The following FTCDNL1 variants were observed in gnomAD, a reference collection of about 807,000 sequenced individuals.
FTCDNL1 encodes the protein formiminotransferase N-terminal subdomain-containing protein.
FTCDNL1 carries 11 observed loss-of-function variants against 5.9 expected under a neutral mutation model. The ratio of observed to expected loss-of-function variants is 1.87; its 90% CI spans 1.18 to 3.10. The LOEUF is 3.10. Ranked by LOEUF, FTCDNL1 falls within the 30% of genes most tolerant of loss-of-function variation. The pLI is 0.00. For missense variants in FTCDNL1, 115 were observed against 65.5 expected, an observed-to-expected ratio of 1.76 and a Z score of -2.61; for synonymous variants, 58 against 24.8, an observed-to-expected ratio of 2.34 and a Z score of -3.99.
At chr2:199,742,765 C>T in the FTCDNL1 span, among the ~76,000 whole-genome samples, 1 of 152,148 alleles carries the variant, frequency 6.6e-6, no homozygotes, top group African/African-American at 2.4e-5. Context: ...CAAAGAGTCT[C>T]TCGGTTTCTA....
the FTCDNL1 span, among the ~76,000 whole-genome samples, chr2:199,680,464 A>G: frequency 3.3e-5 from 5 of 152,222 alleles, no homozygotes; most frequent in African/African-American, 1.2e-4. Context: ...ATCATATCAT[A>G]TACATTTTGA....
the FTCDNL1 span, among the ~76,000 whole-genome samples, chr2:199,715,093 T>C: frequency 4.7e-3 from 718 of 151,874 alleles, 5 homozygotes; most frequent in Non-Finnish European, 8.7e-3. Flanking sequence ...TAAAGTATAA[T>C]AAAAAATAAT....
chr2:199,710,380 C>T, the FTCDNL1 span, among the ~76,000 whole-genome samples: 1 of 151,912 alleles, frequency 6.6e-6, no homozygotes, highest in Non-Finnish European at 1.5e-5. Flanking sequence ...AATGAATCAA[C>T]AATATATGTT....
chr2:199,707,852 T>C, the FTCDNL1 span, among the ~76,000 whole-genome samples: 1 of 152,128 alleles, frequency 6.6e-6, no homozygotes, highest in Non-Finnish European at 1.5e-5. Context: ...ACTATTTTTT[T>C]CTCCTCAATG....
At chr2:199,679,344 G>A in the FTCDNL1 span, among the ~76,000 whole-genome samples, 1 of 151,910 alleles carries the variant, frequency 6.6e-6, no homozygotes, top group Non-Finnish European at 1.5e-5. Flanking sequence ...CAATTTTGGG[G>A]TTTTTAAAAA....
At chr2:199,776,731 G>C (rs1699091760) in intron 3 of FTCDNL1, among the ~76,000 whole-genome samples, 1 of 152,080 alleles carries the variant, frequency 6.6e-6, no homozygotes, top group Non-Finnish European at 1.5e-5. Context: ...TAAGACTGAT[G>C]ATTCCACATA....
intron 3 of FTCDNL1, among the ~76,000 whole-genome samples, chr2:199,832,165 G>A (rs974101798): frequency 6.6e-6 from 1 of 152,042 alleles, no homozygotes; most frequent in South Asian, 2.1e-4. Flanking sequence ...TTATTCCTTT[G>A]TAGGGCATAT....
chr2:199,748,923 A>T, the FTCDNL1 span, among the ~76,000 whole-genome samples: 1 of 152,026 alleles, frequency 6.6e-6, no homozygotes, highest in Admixed American at 6.5e-5. Flanking sequence ...CCTGCTCCCC[A>T]TTGCCTCCCA....
the FTCDNL1 span, among the ~76,000 whole-genome samples, chr2:199,722,684 C>G: frequency 6.6e-6 from 1 of 152,020 alleles, no homozygotes; most frequent in Non-Finnish European, 1.5e-5. Context: ...CTTGATGGGA[C>G]TAGCATTGAA....
At chr2:199,803,408 A>G (rs1251948275) in intron 3 of FTCDNL1, among the ~76,000 whole-genome samples, 1 of 152,082 alleles carries the variant, frequency 6.6e-6, no homozygotes, top group Non-Finnish European at 1.5e-5. Flanking sequence ...CTAGGAAGAG[A>G]GGCCTGGAGA....
rs115858605 is a variant in FTCDNL1, at chr2:199,821,489, G to A, written c.212-1732C>T. 9.2e-3 allele frequency among the ~76,000 whole-genome samples: 1,395 copies of A among 150,904 alleles called. 18 individuals are homozygous for A. The highest frequency in any genetic ancestry group is 0.032 in the African/African-American group (1,315 of 40,970). ...TTTTGTTTGTTTGTTTTTTGAGATG[G>A]AGTTTCACGCTGTCGCCCAGGCTGC... On this transcript the variant is annotated intron_variant, in intron 3 of 4. Transcript: ENST00000420128.
intron 2 of FTCDNL1, among the ~76,000 whole-genome samples, chr2:199,848,420 T>C (rs762632842): frequency 6.6e-5 from 10 of 152,210 alleles, no homozygotes; most frequent in African/African-American, 2.4e-4. Context: ...GGAAAAGTAG[T>C]TGGTATTTGG....
intron 4 of FTCDNL1, among the ~76,000 whole-genome samples, chr2:199,815,985 GC>G (rs1701328070): frequency 1.3e-5 from 2 of 149,306 alleles, no homozygotes; most frequent in South Asian, 4.4e-4. Context: ...GGGTGACAGA[GC>G]GAGACTCCAT....
At chr2:199,743,497 T>C in the FTCDNL1 span, among the ~76,000 whole-genome samples, 1 of 152,230 alleles carries the variant, frequency 6.6e-6, no homozygotes, top group Non-Finnish European at 1.5e-5. Flanking sequence ...TACATATTCA[T>C]TGAACGTTTC....
chr2:199,814,733 A>G (rs2106472719), intron 4 of FTCDNL1, among the ~76,000 whole-genome samples: 1 of 152,314 alleles, frequency 6.6e-6, no homozygotes, highest in South Asian at 2.1e-4. Context: ...CTTCCTAGCC[A>G]GCATCAGCAA....
intron 3 of FTCDNL1, among the ~76,000 whole-genome samples, chr2:199,769,928 T>G (rs1214945781): frequency 6.6e-6 from 1 of 152,124 alleles, no homozygotes; most frequent in African/African-American, 2.4e-5. Context: ...AATGATCTAT[T>G]CTTTTTTTTT....
chr2:199,772,645 C>T (rs1045345031), intron 3 of FTCDNL1, among the ~76,000 whole-genome samples: 1 of 152,168 alleles, frequency 6.6e-6, no homozygotes, highest in African/African-American at 2.4e-5. Flanking sequence ...CTTGGTCATC[C>T]AGTCTAATGA....
intron 3 of FTCDNL1, among the ~76,000 whole-genome samples, chr2:199,773,076 C>G (rs920702898): frequency 3.3e-5 from 5 of 152,032 alleles, no homozygotes; most frequent in African/African-American, 1.2e-4. Flanking sequence ...GGCTCACTAC[C>G]CCTGTAAGGC....
chr2:199,743,602 G>A, the FTCDNL1 span, among the ~76,000 whole-genome samples: 559 of 152,196 alleles, frequency 3.7e-3, 5 homozygotes, highest in African/African-American at 0.013. Flanking sequence ...CAGAGGCTCT[G>A]GGCGTTTCTC....
Sources: gnomAD v4.1 joint callset for allele counts (sites outside exome capture counted in the v4.1 genomes callset) on GRCh38, gnomAD v4.1.1 for gene constraint, MANE v1.5 for transcripts, NCBI Gene and HGNC (gene_info 2026-07-23, HGNC 2026-07-21) for gene names.